The following ADAMTS6 variants were observed in gnomAD, a reference collection of about 807,000 sequenced individuals.
The protein encoded by ADAMTS6 is ADAM metallopeptidase with thrombospondin type 1 motif 6, also known as A disintegrin and metalloproteinase with thrombospondin motifs 6.
Under a neutral mutation model 144.3 loss-of-function variants are expected in ADAMTS6, and 23 were observed. The ratio of observed to expected loss-of-function variants is 0.16; its 90% CI spans 0.11 to 0.23. ADAMTS6 has a LOEUF of 0.23. ADAMTS6 is among the 10% of genes least tolerant of loss of function. The pLI is 1.00. For synonymous variants in ADAMTS6, 444 were observed against 457.5 expected (o/e 0.97, Z 0.38); for missense variants, 999 against 1,379.6 (o/e 0.72, Z 4.37).
At chr5:65,201,257 C>T (rs1392766589) in intron 20 of ADAMTS6, among the ~76,000 whole-genome samples, 12 of 152,168 alleles carry the variant, frequency 7.9e-5, no homozygotes, top group Non-Finnish European at 4.4e-5. Flanking sequence ...GACCATCGCT[C>T]TTCTTCATTT....
At chr5:65,451,696 A>G (rs779570311) in intron 6 of ADAMTS6, 76 bp from the exon 7 acceptor site, 19 of 1,521,396 alleles carry the variant, frequency 1.2e-5, no homozygotes, top group Non-Finnish European at 1.6e-5. Flanking sequence ...TGAAGACTGA[A>G]GTGGGACTAT....
At chr5:65,327,329 G>A (rs576564676) in intron 9 of ADAMTS6, among the ~76,000 whole-genome samples, 84 of 152,210 alleles carry the variant, frequency 5.5e-4, no homozygotes, top group African/African-American at 1.7e-3. Context: ...TTCCTTTAGA[G>A]CAACACAAAA....
intron 7 of ADAMTS6, among the ~76,000 whole-genome samples, chr5:65,364,932 G>A (rs1750167630): frequency 6.6e-6 from 1 of 152,006 alleles, no homozygotes; most frequent in African/African-American, 2.4e-5. Context: ...CAACTTACGA[G>A]GTTATAGATC....
At chr5:65,406,480 C>T (rs1411406917) in intron 7 of ADAMTS6, among the ~76,000 whole-genome samples, 1 of 152,176 alleles carries the variant, frequency 6.6e-6, no homozygotes, top group South Asian at 2.1e-4. Flanking sequence ...ACAAGCCTTG[C>T]ATCCCAGGGA....
In ADAMTS6 at chr5:65,149,953, G is replaced by C. The variant is rs1335218713; in HGVS notation, c.*1883C>G. On this transcript the variant is annotated 3_prime_UTR_variant, in exon 25 of 25. Coordinates refer to ENST00000381055, the MANE Select transcript of ADAMTS6 (RefSeq NM_197941.4). ...GGAAGGCTCAGGGTTGAGAACTGTG[G>C]TGTTGAGAGAGAAAGCAGGTAACAA... is the stretch of plus-strand genomic sequence containing the variant. 3 of 152,446 alleles carry C rather than the reference G, an allele frequency of 2.0e-5. No individual in the cohort carries two copies. The highest frequency in any genetic ancestry group is 4.4e-5 in the Non-Finnish European group (3 of 68,040). 9.4% of individuals were successfully genotyped at this position (152,446 alleles called of 1,614,324 possible). A position where few individuals can be genotyped will look rare whatever the true frequency, so the allele number is the denominator to read the frequency against.
intron 22 of ADAMTS6, among the ~76,000 whole-genome samples, chr5:65,185,650 C>T (rs189070463): frequency 6.5e-4 from 99 of 152,304 alleles, no homozygotes; most frequent in Non-Finnish European, 1.2e-3. Context: ...TGTACATCTT[C>T]AGGCAGCCTC....
chr5:65,387,672 C>T (rs1023452360), intron 7 of ADAMTS6, among the ~76,000 whole-genome samples: 2 of 152,128 alleles, frequency 1.3e-5, no homozygotes, highest in African/African-American at 4.8e-5. Context: ...GCATCAATAA[C>T]TCGTTTGATG....
At chr5:65,297,299 T>A in intron 10 of ADAMTS6, 2 of 453,994 alleles carry the variant, frequency 4.4e-6, no homozygotes, top group South Asian at 1.6e-5. Flanking sequence ...ATCAATAGCA[T>A]CTAGTGTTTT....
At chr5:65,256,679 T>C (rs896093217) in intron 14 of ADAMTS6, 1 of 152,060 alleles carries the variant, frequency 6.6e-6, no homozygotes, top group Non-Finnish European at 1.5e-5. Context: ...ATGTTTGGCA[T>C]TTTTTTCCTG....
chr5:65,421,014 C>A (rs1157482887), intron 7 of ADAMTS6, among the ~76,000 whole-genome samples: 1 of 152,140 alleles, frequency 6.6e-6, no homozygotes, highest in South Asian at 2.1e-4. Flanking sequence ...GATTTTTAAT[C>A]CAGTCTGCCA....
chr5:65,469,193 T>A (rs1760247584), intron 3 of ADAMTS6, among the ~76,000 whole-genome samples: 1 of 152,230 alleles, frequency 6.6e-6, no homozygotes, highest in South Asian at 2.1e-4. Flanking sequence ...ATATTTTAAA[T>A]TTTGTCCCTA....
At chr5:65,333,859 C>A in intron 8 of ADAMTS6, among the ~76,000 whole-genome samples, 183 bp downstream of exon 8, 1 of 150,432 alleles carries the variant, frequency 6.6e-6, no homozygotes. Context: ...TATTTGTTTC[C>A]TAGTAAATGA....
intron 10 of ADAMTS6, 149 bp downstream of exon 10, chr5:65,299,836 G>T (rs1743189779): frequency 5.0e-6 from 4 of 796,356 alleles, no homozygotes; most frequent in Non-Finnish European, 7.3e-6. Flanking sequence ...TTGCCACAAT[G>T]ATATATTAAA....
At chr5:65,382,134 G>A (rs1467983697) in intron 7 of ADAMTS6, among the ~76,000 whole-genome samples, 1 of 152,114 alleles carries the variant, frequency 6.6e-6, no homozygotes, top group Non-Finnish European at 1.5e-5. Context: ...GAGCACAAGA[G>A]TTCTAAATGA....
intron 7 of ADAMTS6, among the ~76,000 whole-genome samples, chr5:65,421,827 C>T (rs1223343451): frequency 1.3e-5 from 2 of 152,192 alleles, no homozygotes; most frequent in African/African-American, 4.8e-5. Flanking sequence ...GGATTGAAGA[C>T]TTAAATCTAA....
chr5:65,470,159 G>A (rs924603976), intron 3 of ADAMTS6, among the ~76,000 whole-genome samples: 4 of 152,054 alleles, frequency 2.6e-5, no homozygotes, highest in Non-Finnish European at 5.9e-5. Flanking sequence ...CCTAGCCTCA[G>A]GTAATCCTCC....
At chr5:65,381,741 G>A (rs899984867) in intron 7 of ADAMTS6, among the ~76,000 whole-genome samples, 34 of 151,644 alleles carry the variant, frequency 2.2e-4, no homozygotes, top group Non-Finnish European at 4.4e-5. Flanking sequence ...TCCTTTGAAA[G>A]ACACAGACTT....
At chr5:65,332,536 T>C (rs1320860003) in intron 8 of ADAMTS6, among the ~76,000 whole-genome samples, 1 of 151,904 alleles carries the variant, frequency 6.6e-6, no homozygotes, top group East Asian at 1.9e-4. Flanking sequence ...TTTAAAAGAA[T>C]AGGCAATTTC....
chr5:65,308,997 T>C (rs1744214838), intron 9 of ADAMTS6, among the ~76,000 whole-genome samples: 1 of 152,062 alleles, frequency 6.6e-6, no homozygotes, highest in South Asian at 2.1e-4. Flanking sequence ...ACAATATTAA[T>C]GTTTGTTAAA....
Sources: allele counts gnomAD v4.1 joint callset (sites outside exome capture counted in the v4.1 genomes callset), GRCh38; gene constraint gnomAD v4.1.1; transcripts MANE v1.5; gene names NCBI Gene and HGNC (gene_info 2026-07-23, HGNC 2026-07-21).